Variants in MDGA1 observed in about 807,000 individuals in gnomAD.
MDGA1 encodes MAM domain-containing glycosylphosphatidylinositol anchor protein 1.
Under a neutral mutation model 101.5 loss-of-function variants are expected in MDGA1, and 54 were observed. The ratio of observed to expected loss-of-function variants is 0.53; its 90% confidence interval spans 0.43 to 0.67. The LOEUF is 0.67. MDGA1 is among the 30% of genes least tolerant of loss of function. The pLI is 0.00. For synonymous variants in MDGA1, 533 were observed against 558.3 expected (o/e 0.95, Z 0.64); for missense variants, 1,083 against 1,323.8 (o/e 0.82, Z 2.82).
chr6:37,631,330 G>A lies in MDGA1; in HGVS notation c.*6038C>T, dbSNP rs1215263702. ...AGCGGATTTCTCTTCCTGTGCTCAG[G>A]GAGCCAACCTACAGCAGTGGTGAGT... On this transcript the variant is annotated 3_prime_UTR_variant, in exon 17 of 17. Transcript: ENST00000434837. The A allele has an allele frequency of 2.0e-5, 3 of 152,156 alleles. No individual in the cohort carries two copies. The highest frequency in any genetic ancestry group is 2.9e-5 in the Non-Finnish European group (2 of 68,046). 9.4% of individuals were successfully genotyped at this position (152,156 alleles called of 1,614,324 possible).
chr6:37,696,707 G>C lies in MDGA1; in HGVS notation c.67+38C>G, dbSNP rs56108881. On this transcript the variant is annotated intron_variant, in intron 1 of 16. Coordinates refer to ENST00000434837, the MANE Select transcript of MDGA1 (RefSeq NM_153487.4). The surrounding 1 kb of genome is among the most constrained non-coding windows in gnomAD (Gnocchi z 5.6). The stretch of plus-strand genomic sequence containing the variant: ...TGCGCCTCTTGCAAAGTTTCCGCGC[G>C]AGGTTAAGCCAAGGTGGAGCGGGAC... The C allele has an allele frequency of 0.12, 189,525 of 1,549,358 alleles. 12,282 individuals carry two copies. Among genetic ancestry groups the C allele is most frequent in the South Asian group, 0.17 (13,951 of 84,310 alleles).
intron 8 of MDGA1, among the ~76,000 whole-genome samples, chr6:37,649,711 A>G (rs1404996015): frequency 6.6e-6 from 1 of 152,188 alleles, no homozygotes; most frequent in African/African-American, 2.4e-5. Flanking sequence ...AGAATCTATT[A>G]TAGGGCTGTG....
chr6:37,686,405 T>C (rs115573892), intron 1 of MDGA1, among the ~76,000 whole-genome samples: 2,101 of 151,314 alleles, frequency 0.014, 47 homozygotes, highest in African/African-American at 0.047. Flanking sequence ...GACATTCTGA[T>C]TTAATGGGTA....
rs1245947877 is a variant in MDGA1, at chr6:37,633,329, C to T, written c.*4039G>A. On this transcript the variant is annotated 3_prime_UTR_variant, in exon 17 of 17. Transcript: ENST00000434837. ...GGACTCCGCTGAACCCTGAACCCAACCTCAGCCAGTGGCTCTGCAGGGACT... is the reference window on the plus strand; with the variant it reads ...GGACTCCGCTGAACCCTGAACCCAATCTCAGCCAGTGGCTCTGCAGGGACT... 2 of 152,158 alleles carry T rather than the reference C, an allele frequency of 1.3e-5. No homozygotes were observed. The highest frequency in any genetic ancestry group is 4.8e-5 in the African/African-American group (2 of 41,376). 9.4% of individuals were successfully genotyped at this position (152,158 alleles called of 1,614,324 possible). A position where few individuals can be genotyped will look rare whatever the true frequency, so the allele number is the denominator to read the frequency against.
intron 1 of MDGA1, among the ~76,000 whole-genome samples, chr6:37,685,271 G>C (rs1283116526): frequency 1.3e-5 from 2 of 151,760 alleles, no homozygotes; most frequent in Non-Finnish European, 2.9e-5. Context: ...CAGCCTAGGA[G>C]AAAGAGTGAG....
At position 37,648,963 on chromosome 6, in the gene MDGA1, G is replaced by A; in HGVS notation, c.1894+19C>T. 1 of 1,547,814 alleles carries A rather than the reference G, an allele frequency of 6.5e-7. No individual in the cohort carries two copies. Among genetic ancestry groups the A allele is most frequent in the Non-Finnish European group, 8.7e-7 (1 of 1,147,094 alleles). ...CCTGGTGGGCGTGGTAGGTGGGGCG[G>A]GACCCACTGGACGCTCACCGGAGAC... On this transcript the variant is annotated intron_variant, in intron 9 of 16. Transcript: ENST00000434837.
Position 37,654,825 on chromosome 6 carries a change from G to A in MDGA1, c.687C>T (p.Ile229=), listed in dbSNP as rs565206172. ...CCGTGGTGTTGGTGAGCCGGAAGGT[G>A]ATGGCCTTGTCTGGGATGCCGCACA... is the stretch of plus-strand genomic sequence containing the variant. ...RNVCGIPDKA[I]TFRLTNTTAP... Residue 229 remains isoleucine, a synonymous_variant, in exon 5 of 17, where the codon ATC becomes ATT. Transcript: ENST00000434837. The A allele has an allele frequency of 1.9e-5, 31 of 1,613,826 alleles. No individual in the cohort carries two copies. The South Asian group carries it at 3.0e-4, about 15-fold the overall frequency.
chr6:37,682,665 A>C (rs1762121975), intron 1 of MDGA1, among the ~76,000 whole-genome samples: 1 of 152,150 alleles, frequency 6.6e-6, no homozygotes, highest in Non-Finnish European at 1.5e-5. Context: ...GATTTGCCCT[A>C]AGATTCCCGC....
rs748945211 is a variant in MDGA1 at position 37,664,026 on chromosome 6, T to C, written c.148A>G (p.Ile50Val). 42 of 1,613,816 alleles carry C rather than the reference T, an allele frequency of 2.6e-5. No homozygotes were observed. Among genetic ancestry groups the C allele is most frequent in the Non-Finnish European group, 3.4e-5 (40 of 1,179,852 alleles). Residue 50 changes from isoleucine (I) to valine (V), a missense_variant, in exon 2 of 17, where the codon ATC becomes GTC. Transcript: ENST00000434837. Reference protein sequence around the residue: ...EDNISERVYTIREGDTLMLQC... With the variant: ...EDNISERVYTVREGDTLMLQC... The stretch of plus-strand genomic sequence containing the variant: ...AGCATGAGGGTGTCCCCCTCCCGGA[T>C]GGTGTAGACACGCTCGCTGATATTG...
chr6:37,696,945 AC>A lies in MDGA1; in HGVS notation c.-135del. The A allele has an allele frequency of 1.4e-6, 1 of 738,412 alleles. No individual in the cohort carries two copies. The allele number at this position is 738,412 out of a possible 1,614,324, so 45.7% of individuals were successfully genotyped here. ...GGTGAGAGAGAGAGCGGCGACGAAG[AC>A]CAGGAGACTGAAGAGGCGGAGGTGG... On this transcript the variant is annotated 5_prime_UTR_variant, in exon 1 of 17. Transcript: ENST00000434837. This position sits in a 1 kb window ranked among gnomAD's most constrained non-coding sequence, Gnocchi z 5.6.
Position 37,696,978 on chromosome 6 carries a change from C to A in MDGA1, c.-167G>T. The A allele has an allele frequency of 3.3e-6, 2 of 609,118 alleles. No individual in the cohort carries two copies. Among genetic ancestry groups the A allele is most frequent in the South Asian group, 4.0e-5 (2 of 49,882 alleles). 37.7% of individuals were successfully genotyped at this position (609,118 alleles called of 1,614,324 possible). A position where few individuals can be genotyped will look rare whatever the true frequency, so the allele number is the denominator to read the frequency against. ...ACTGAAGAGGCGGAGGTGGCGGCGA[C>A]CCGTGTTTCTCCTCCGGCGGGGCCG... On this transcript the variant is annotated 5_prime_UTR_variant, in exon 1 of 17. Coordinates refer to ENST00000434837, the MANE Select transcript of MDGA1 (RefSeq NM_153487.4). The surrounding 1 kb of genome is among the most constrained non-coding windows in gnomAD (Gnocchi z 5.6).
chr6:37,649,381 AT>A, intron 8 of MDGA1, 115 bp from the exon 9 acceptor site: 1 of 1,385,010 alleles, frequency 7.2e-7, no homozygotes, highest in Admixed American at 3.6e-5. Context: ...GCCAGGAAAA[AT>A]CCCAGGGCGG....
At chr6:37,657,888 C>T (rs891374766) in intron 3 of MDGA1, among the ~76,000 whole-genome samples, 2 of 152,134 alleles carry the variant, frequency 1.3e-5, no homozygotes, top group Non-Finnish European at 2.9e-5. Flanking sequence ...GGAAGGGCAG[C>T]GGACAATGGG....
chr6:37,679,580 C>T (rs141447360), intron 1 of MDGA1, among the ~76,000 whole-genome samples: 43 of 152,290 alleles, frequency 2.8e-4, no homozygotes, highest in African/African-American at 9.6e-4. Flanking sequence ...TATTGTGACA[C>T]GTGCCTGTAC....
At chr6:37,663,539 G>A (rs1176645328) in intron 2 of MDGA1, among the ~76,000 whole-genome samples, 1 of 152,176 alleles carries the variant, frequency 6.6e-6, no homozygotes, top group African/African-American at 2.4e-5. Context: ...TCACTGAGTC[G>A]CAAATTCCTC....
chr6:37,679,133 C>A (rs111698579), intron 1 of MDGA1, among the ~76,000 whole-genome samples: 9 of 151,924 alleles, frequency 5.9e-5, no homozygotes, highest in Non-Finnish European at 8.8e-5. Context: ...CCTTTTTTGG[C>A]TAAAATTTTA....
chr6:37,696,801 G>A lies in MDGA1; in HGVS notation c.11C>T (p.Thr4Ile), dbSNP rs559178785. The A allele has an allele frequency of 8.9e-6, 14 of 1,577,694 alleles. No homozygotes were observed. The East Asian group carries it at 2.8e-4, about 32-fold the overall frequency. Residue 4 changes from threonine (T) to isoleucine (I), a missense_variant, in exon 1 of 17, where the codon ACC (threonine) becomes ATC (isoleucine). Physicochemically the swap from Thr to Ile is moderately conservative, Grantham distance 89 (BLOSUM62 -1). Around this residue, in one of 3 missense-constraint regions of MDGA1, gnomAD observed 310 missense variants for 355.9 expected, o/e 0.87. Transcript: ENST00000434837. The surrounding 1 kb of genome is among the most constrained non-coding windows in gnomAD (Gnocchi z 5.6). MEV[T>I]CLLLLALIPF... ...GATCAGCGCCAGAAGTAGAAGGCAGGTCACCTCCATCTTCACGGCCGGTGC... is the reference window on the plus strand; with the variant it reads ...GATCAGCGCCAGAAGTAGAAGGCAGATCACCTCCATCTTCACGGCCGGTGC...
intron 1 of MDGA1, among the ~76,000 whole-genome samples, chr6:37,682,590 CTG>C (rs1376648000): frequency 6.6e-6 from 1 of 152,148 alleles, no homozygotes; most frequent in East Asian, 1.9e-4. Context: ...CCCCTCTCTG[CTG>C]TGTGGCCTGA....
At chr6:37,676,919 A>T (rs1198339709) in intron 1 of MDGA1, among the ~76,000 whole-genome samples, 2 of 151,248 alleles carry the variant, frequency 1.3e-5, no homozygotes, top group Non-Finnish European at 3.0e-5. Flanking sequence ...AAAAAAAAAA[A>T]GGAAAAGCAA....
Sources: allele counts gnomAD v4.1 joint callset (sites outside exome capture counted in the v4.1 genomes callset), GRCh38; gene constraint gnomAD v4.1.1; regional missense constraint gnomAD v4.1.1; non-coding constraint Gnocchi (gnomAD v3.1); transcripts MANE v1.5; gene names NCBI Gene and HGNC (gene_info 2026-07-23, HGNC 2026-07-21).